NKTR: variants seen among roughly 807,000 people sequenced by gnomAD.
NKTR encodes NK-tumor recognition protein.
NKTR carries 67 observed loss-of-function variants against 156.3 expected under a neutral mutation model. The observed-to-expected ratio is 0.43, with a 90% CI of 0.35 to 0.53. The LOEUF is 0.53. NKTR is among the 20% of genes least tolerant of loss of function. The pLI is 0.01. For synonymous variants in NKTR, 640 were observed against 596.6 expected (o/e 1.07, Z -1.06); for missense variants, 1,604 against 1,730.9 (o/e 0.93, Z 1.30).
At chr3:42,613,823 A>C (rs536965520) in intron 2 of NKTR, among the ~76,000 whole-genome samples, 1 of 152,276 alleles carries the variant, frequency 6.6e-6, no homozygotes, top group East Asian at 1.9e-4. Flanking sequence ...AAGGATCTGC[A>C]TGTTGGTATT....
rs1259768149 is a variant in NKTR, at chr3:42,639,708, G to T, written c.4004G>T (p.Ser1335Ile). The T allele has an allele frequency of 1.2e-6, 2 of 1,612,666 alleles. No individual in the cohort carries two copies. The highest frequency in any genetic ancestry group is 8.5e-7 in the Non-Finnish European group (1 of 1,179,494). The change falls in exon 13 of 17, where the codon AGT becomes ATT. Residue 1335 changes from serine to isoleucine, a missense_variant. Ser to Ile is a moderately radical substitution (Grantham distance 142, BLOSUM62 -2). This residue lies in a region of NKTR where 193 missense variants were observed against 220.2 expected (regional missense o/e 0.88). Transcript: ENST00000232978. The part of the protein sequence containing the change: ...SRHRTRSVSY[S>I]HSRSRSRSST... ...CACAGAACAAGGTCTGTCTCCTATA[G>T]TCACTCAAGAAGTCGATCGAGAAGT...
rs145085437 is a variant in NKTR, at chr3:42,628,198, G to C, written c.375-2348G>C. On this transcript the variant is annotated intron_variant, in intron 6 of 16. Transcript: ENST00000232978. ...TTATATTTCTGTATCTTGAGTTGCAGATGCAAGTAATGGACTTTAATCATT... is the reference window on the plus strand; with the variant it reads ...TTATATTTCTGTATCTTGAGTTGCACATGCAAGTAATGGACTTTAATCATT... The C allele has an allele frequency of 1.7e-3, 1,646 of 985,358 alleles. 23 individuals carry two copies. In the African/African-American group the frequency reaches 0.027, roughly 16 times the overall value. The allele number at this position is 985,358 out of a possible 1,614,324, so 61.0% of individuals were successfully genotyped here.
chr3:42,627,737 A>G (rs769532749), intron 6 of NKTR: 2 of 983,562 alleles, frequency 2.0e-6, no homozygotes, highest in African/African-American at 3.5e-5. Flanking sequence ...ACAATTTGAA[A>G]TGTTCTTTGT....
intron 2 of NKTR, among the ~76,000 whole-genome samples, chr3:42,616,736 CAG>C (rs755121357): frequency 5.2e-4 from 79 of 152,214 alleles, no homozygotes; most frequent in African/African-American, 7.9e-4. Context: ...TCTGCTCTCT[CAG>C]GGGATAGGAT....
At position 42,600,979 on chromosome 3, in the gene NKTR, C is replaced by A. The variant is rs1375828455; in HGVS notation, c.-23-5C>A. 6.5e-7 allele frequency: 1 copy of A among 1,534,372 alleles called. No individual in the cohort carries two copies. ...CCTGACCGCTTTTCTCCCCCTCTCT[C>A]CCAGCTCTTGCCGCCACCTCGGTCG... is the stretch of plus-strand genomic sequence containing the variant. On this transcript the variant is annotated splice_polypyrimidine_tract_variant and splice_region_variant and intron_variant, in intron 1 of 16. Transcript: ENST00000232978.
intron 2 of NKTR, among the ~76,000 whole-genome samples, chr3:42,610,927 G>A (rs952895877): frequency 6.6e-6 from 1 of 151,634 alleles, no homozygotes; most frequent in Non-Finnish European, 1.5e-5. Flanking sequence ...TCTTTATTGG[G>A]CCTGTTTTTT....
intron 12 of NKTR, 97 bp downstream of exon 12, chr3:42,635,463 G>A: frequency 1.0e-6 from 1 of 970,918 alleles, no homozygotes; most frequent in Non-Finnish European, 1.5e-6. Context: ...AAGATTCAGT[G>A]AAAGATTCAC....
chr3:42,614,106 A>G (rs957329530), intron 2 of NKTR, among the ~76,000 whole-genome samples: 4 of 152,166 alleles, frequency 2.6e-5, no homozygotes, highest in African/African-American at 7.2e-5. Context: ...GTATCAACTG[A>G]TTCTAAAAGA....
In NKTR at chr3:42,611,087, C is replaced by T. The variant is rs367966089; in HGVS notation, c.59-6483C>T. On this transcript the variant is annotated intron_variant, in intron 2 of 16. Coordinates refer to ENST00000232978, the MANE Select transcript of NKTR (RefSeq NM_005385.4). ...CAGGATAAATAAGTGGTATTTAACA[C>T]TTTTTGCATTGTCAGACCTGGCAGC... The T allele has an allele frequency of 1.1e-4, 16 of 152,164 alleles. No homozygotes were observed. In the East Asian group the frequency reaches 3.1e-3, roughly 29 times the overall value. 9.4% of individuals were successfully genotyped at this position (152,164 alleles called of 1,614,324 possible).
In NKTR at chr3:42,628,174, T is replaced by C. The variant is rs989323603; in HGVS notation, c.375-2372T>C. On this transcript the variant is annotated intron_variant, in intron 6 of 16. Coordinates refer to ENST00000232978, the MANE Select transcript of NKTR (RefSeq NM_005385.4). ...ATCTAATCCAATTAAAGTGCAGACT[T>C]ATATTTCTGTATCTTGAGTTGCAGA... is the stretch of plus-strand genomic sequence containing the variant. 6 of 985,194 alleles carry C rather than the reference T, an allele frequency of 6.1e-6. No individual in the cohort carries two copies. In the African/African-American group the frequency reaches 1.0e-4, roughly 17 times the overall value. 61.0% of individuals were successfully genotyped at this position (985,194 alleles called of 1,614,324 possible). A position where few individuals can be genotyped will look rare whatever the true frequency, so the allele number is the denominator to read the frequency against.
chr3:42,612,893 G>A (rs1324143403), intron 2 of NKTR, among the ~76,000 whole-genome samples: 1 of 151,942 alleles, frequency 6.6e-6, no homozygotes, highest in Non-Finnish European at 1.5e-5. Flanking sequence ...ATATCTTGGT[G>A]TTGCTCCACT....
chr3:42,640,673 T>C (rs1709812708), intron 13 of NKTR, among the ~76,000 whole-genome samples: 1 of 152,238 alleles, frequency 6.6e-6, no homozygotes, highest in Admixed American at 6.5e-5. Context: ...GTGTGCTTGC[T>C]GCCTTCTGTG....
rs1709495794 is a variant in NKTR, at chr3:42,637,111, A to C, written c.1407A>C (p.Lys469Asn). 6.2e-7 allele frequency: 1 copy of C among 1,607,304 alleles called. No homozygotes were observed. Among genetic ancestry groups the C allele is most frequent in the African/African-American group, 1.3e-5 (1 of 74,218 alleles). Residue 469 changes from lysine to asparagine, a missense_variant, in exon 13 of 17, where the codon AAA becomes AAC. Physicochemically the swap from Lys to Asn is moderately conservative, Grantham distance 94 (BLOSUM62 0). Coordinates refer to ENST00000232978, the MANE Select transcript of NKTR (RefSeq NM_005385.4). ...ILIPSDIESS[K>N]SSTRRMKSSC... ...TACCGTCTGACATAGAATCCTCAAA[A>C]TCTTCCACTCGAAGAATGAAATCCT...
chr3:42,610,639 T>G lies in NKTR; in HGVS notation c.59-6931T>G, dbSNP rs1706694143. 6.6e-5 allele frequency among the ~76,000 whole-genome samples: 10 copies of G among 152,118 alleles called. No homozygotes were observed. In the South Asian group the frequency reaches 2.1e-3, roughly 31 times the overall value. On this transcript the variant is annotated intron_variant, in intron 2 of 16. Coordinates refer to ENST00000232978, the MANE Select transcript of NKTR (RefSeq NM_005385.4). ...GATTTTTATAGGATTTTTCCTTCAC[T>G]TCAATAAACTATATTAGTAGATTTC...
intron 3 of NKTR, among the ~76,000 whole-genome samples, chr3:42,618,722 G>A (rs540726802): frequency 6.6e-6 from 1 of 152,170 alleles, no homozygotes; most frequent in South Asian, 2.1e-4. Flanking sequence ...GGGATTACAG[G>A]CGTGTGCCAT....
intron 2 of NKTR, among the ~76,000 whole-genome samples, chr3:42,610,065 G>GT (rs1372882509): frequency 6.6e-6 from 1 of 151,966 alleles, no homozygotes; most frequent in African/African-American, 2.4e-5. Flanking sequence ...GTGCAAAATG[G>GT]TGCAATCTCG....
chr3:42,646,133 A>T lies in NKTR; in HGVS notation c.*158A>T, dbSNP rs1168729607. Reference sequence around the variant, plus strand: ...GGTTCATTTACATGTGGGGAGAAGAATTTAAAATACAGATATGTCTCCTAA... The same window carrying T: ...GGTTCATTTACATGTGGGGAGAAGATTTTAAAATACAGATATGTCTCCTAA... On this transcript the variant is annotated 3_prime_UTR_variant, in exon 17 of 17. Transcript: ENST00000232978. 11 of 481,032 alleles carry T rather than the reference A, an allele frequency of 2.3e-5. No homozygotes were observed. The highest frequency in any genetic ancestry group is 3.8e-5 in the Non-Finnish European group (10 of 262,756). The allele number at this position is 481,032 out of a possible 1,614,324, so 29.8% of individuals were successfully genotyped here. A position where few individuals can be genotyped will look rare whatever the true frequency, so the allele number is the denominator to read the frequency against.
chr3:42,617,600 A>G lies in NKTR; in HGVS notation c.89A>G (p.Asp30Gly). The change falls in exon 3 of 17, where the codon GAC becomes GGC. Residue 30 changes from aspartate to glycine, a missense_variant. Around this residue, in one of 6 missense-constraint regions of NKTR, gnomAD observed 73 missense variants for 90.7 expected, o/e 0.80. Coordinates refer to ENST00000232978, the MANE Select transcript of NKTR (RefSeq NM_005385.4). The part of the protein sequence containing the change: ...VGRIMFQLFS[D>G]ICPKTCKNFL... ...CGCATTATGTTTCAGCTCTTCTCAG[A>G]CATATGTCCAAAAACATGCAAAAAC... The G allele has an allele frequency of 6.2e-7, 1 of 1,605,182 alleles. No homozygotes were observed. The highest frequency in any genetic ancestry group is 8.5e-7 in the Non-Finnish European group (1 of 1,172,160).
chr3:42,618,535 C>G (rs1310551366), intron 3 of NKTR, among the ~76,000 whole-genome samples: 4 of 151,948 alleles, frequency 2.6e-5, no homozygotes, highest in Admixed American at 6.6e-5. Context: ...ACCTCCACCT[C>G]CCAGATTCAA....
Sources: gnomAD v4.1 joint callset for allele counts (sites outside exome capture counted in the v4.1 genomes callset) on GRCh38, gnomAD v4.1.1 for gene constraint, gnomAD v4.1.1 regional missense constraint, MANE v1.5 for transcripts, NCBI Gene and HGNC (gene_info 2026-07-23, HGNC 2026-07-21) for gene names.